TNRC6A: variants seen among roughly 807,000 people sequenced by gnomAD.
TNRC6A encodes trinucleotide repeat containing adaptor 6A.
A neutral mutation model predicts 221.2 loss-of-function variants in TNRC6A; 44 were observed. The observed-to-expected ratio is 0.20, with a 90% CI of 0.16 to 0.26. TNRC6A has a LOEUF of 0.26. TNRC6A is among the 10% of genes least tolerant of loss of function. The pLI is 1.00. For missense variants in TNRC6A, 2,199 were observed against 2,404.4 expected (o/e 0.91, Z 1.79); for synonymous variants, 847 against 838.5 (o/e 1.01, Z -0.18).
chr16:24,805,760 T>C, intron 15 of TNRC6A, 27 bp downstream of exon 15: 2 of 1,614,042 alleles, frequency 1.2e-6, no homozygotes, highest in Non-Finnish European at 1.7e-6. Context: ...TCTTTCTTAG[T>C]ACACATTTAT....
At chr16:24,672,429 TTTGTTTATTTTTTAC>T (rs2055324600) in intron 2 of TNRC6A, among the ~76,000 whole-genome samples, 1 of 151,028 alleles carries the variant, frequency 6.6e-6, no homozygotes, top group South Asian at 2.1e-4. Context: ...CGCCTGGCCC[TTTGTTTATTTTTTAC>T]TTGTTTATTT....
chr16:24,698,499 T>C (rs773445194), intron 2 of TNRC6A, among the ~76,000 whole-genome samples: 1 of 152,012 alleles, frequency 6.6e-6, no homozygotes, highest in Admixed American at 6.6e-5. Context: ...CATTCTTTAC[T>C]GTGTTCCAGG....
rs1459562571 is a variant in TNRC6A, at chr16:24,804,693, C to G, written c.3838-12C>G. ...TGGCTGGTGTTGCACATCTTTCTGT[C>G]TGTCCAATCAGGATGGCATTGTAGC... On this transcript the variant is annotated splice_polypyrimidine_tract_variant and intron_variant, in intron 12 of 24. Transcript: ENST00000395799. The G allele has an allele frequency of 1.3e-6, 2 of 1,565,690 alleles. No individual in the cohort carries two copies. Among genetic ancestry groups the G allele is most frequent in the Admixed American group, 2.2e-5 (1 of 45,788 alleles).
rs537314653 is a variant in TNRC6A at position 24,699,088 on chromosome 16, T to C, written n.403-51638T>C. 3.9e-5 allele frequency among the ~76,000 whole-genome samples: 6 copies of C among 152,328 alleles called. No individual in the cohort carries two copies. In the East Asian group the frequency reaches 9.6e-4, roughly 24 times the overall value. On this transcript the variant is annotated intron_variant and non_coding_transcript_variant, in intron 2 of 2. Transcript: ENST00000566108. ...ATAAGTGTTTCATGTTTCTGTTTTT[T>C]ACCCACCTAGTCAGTGTGATTTGGG...
chr16:24,643,351 C>T (rs1199982738), intron 2 of TNRC6A, among the ~76,000 whole-genome samples: 2 of 151,456 alleles, frequency 1.3e-5, no homozygotes, highest in Non-Finnish European at 2.9e-5. Flanking sequence ...TTTAATTAAC[C>T]CAGGTATTCA....
At chr16:24,715,905 GC>G (rs1351367183) in intron 2 of TNRC6A, among the ~76,000 whole-genome samples, 14 of 152,206 alleles carry the variant, frequency 9.2e-5, no homozygotes, top group African/African-American at 2.6e-4. Context: ...ACAGGCATGA[GC>G]CACTGTGCCT....
chr16:24,796,671 A>G (rs2058225694), intron 9 of TNRC6A, among the ~76,000 whole-genome samples: 1 of 152,186 alleles, frequency 6.6e-6, no homozygotes, highest in Non-Finnish European at 1.5e-5. Flanking sequence ...AGAGACCTGC[A>G]TTTGGGGGGA....
At chr16:24,767,957 C>T (rs1341390030) in intron 4 of TNRC6A, among the ~76,000 whole-genome samples, 1 of 152,162 alleles carries the variant, frequency 6.6e-6, no homozygotes, top group Non-Finnish European at 1.5e-5. Context: ...TCCAGACTTA[C>T]TCAGACATGA....
At chr16:24,665,684 C>G (rs763992358) in intron 2 of TNRC6A, among the ~76,000 whole-genome samples, 1 of 152,156 alleles carries the variant, frequency 6.6e-6, no homozygotes, top group Non-Finnish European at 1.5e-5. Context: ...CCACTATAGT[C>G]TAGTAGCACT....
At chr16:24,680,866 C>G (rs1035648233) in intron 2 of TNRC6A, among the ~76,000 whole-genome samples, 20 of 151,948 alleles carry the variant, frequency 1.3e-4, no homozygotes, top group Non-Finnish European at 2.9e-4. Context: ...CATGCTCAAG[C>G]AATCCTCCTC....
intron 19 of TNRC6A, 69 bp downstream of exon 19, chr16:24,815,374 T>TA (rs2058635199): frequency 1.9e-6 from 3 of 1,538,822 alleles, no homozygotes; most frequent in Non-Finnish European, 2.7e-6. Flanking sequence ...CATCTGGACT[T>TA]ACTACTGATG....
intron 2 of TNRC6A, among the ~76,000 whole-genome samples, chr16:24,658,148 A>G (rs77061415): frequency 0.018 from 2,781 of 152,114 alleles, 77 homozygotes; most frequent in African/African-American, 0.056. Context: ...GGGTCTGGTG[A>G]ATTTGGGGTG....
At chr16:24,698,043 G>T (rs1329462692) in intron 2 of TNRC6A, among the ~76,000 whole-genome samples, 1 of 145,702 alleles carries the variant, frequency 6.9e-6, no homozygotes. Flanking sequence ...AAAAAAAAAT[G>T]CAGGCCAGGC....
chr16:24,691,176 T>C (rs1380108806), intron 2 of TNRC6A, among the ~76,000 whole-genome samples: 1 of 152,052 alleles, frequency 6.6e-6, no homozygotes, highest in African/African-American at 2.4e-5. Flanking sequence ...TAAAGATAGT[T>C]AAGCCTGCTC....
chr16:24,679,095 T>C (rs531205691), intron 2 of TNRC6A, among the ~76,000 whole-genome samples: 1 of 150,680 alleles, frequency 6.6e-6, no homozygotes, highest in Admixed American at 6.6e-5. Flanking sequence ...GCCTCCCAGA[T>C]TGAAGCAATT....
chr16:24,710,236 A>AG (rs1472932495), intron 2 of TNRC6A, among the ~76,000 whole-genome samples: 2 of 152,126 alleles, frequency 1.3e-5, no homozygotes, highest in East Asian at 3.8e-4. Flanking sequence ...AAAAAAAAAA[A>AG]AAAAATTGTA....
chr16:24,733,457 T>G (rs575632755), intron 2 of TNRC6A, among the ~76,000 whole-genome samples: 3 of 152,316 alleles, frequency 2.0e-5, no homozygotes, highest in African/African-American at 7.2e-5. Flanking sequence ...CCATTAAAAT[T>G]GTCACATTAT....
At position 24,758,381 on chromosome 16, in the gene TNRC6A, T is replaced by C. The variant is rs1265535495; in HGVS notation, c.163+21T>C. On this transcript the variant is annotated intron_variant, in intron 4 of 24. Transcript: ENST00000395799. ...CAAAGGTACGTTGTTTAAAGCTATT[T>C]TTTATCCCTTTTTTCATTAAAGCAA... is the stretch of plus-strand genomic sequence containing the variant. The C allele has an allele frequency of 3.1e-6, 5 of 1,608,752 alleles. No individual in the cohort carries two copies. In the African/African-American group the frequency reaches 6.7e-5, roughly 22 times the overall value.
chr16:24,750,750 G>A lies in TNRC6A; in HGVS notation c.78G>A (p.Gln26=). ...GGGATTTAGTGCAAGAAGAAGAACA[G>A]TTGATGGAAGAAAAGAAAAAGAAAA... ...LSRDLVQEEE[Q]LMEEKKKKKD... Residue 26 remains glutamine, a synonymous_variant, in exon 3 of 25, where the codon CAG becomes CAA. Coordinates refer to ENST00000395799, the MANE Select transcript of TNRC6A (RefSeq NM_014494.4). 1 of 1,560,930 alleles carries A rather than the reference G, an allele frequency of 6.4e-7. No individual in the cohort carries two copies.
Sources: allele counts gnomAD v4.1 joint callset (sites outside exome capture counted in the v4.1 genomes callset), GRCh38; gene constraint gnomAD v4.1.1; transcripts MANE v1.5; gene names NCBI Gene and HGNC (gene_info 2026-07-23, HGNC 2026-07-21).